The following DSCAM variants were observed in gnomAD, a reference collection of about 807,000 sequenced individuals.
DSCAM encodes DS cell adhesion molecule, also known as cell adhesion molecule DSCAM.
DSCAM carries 47 observed loss-of-function variants against 217.7 expected under a neutral mutation model. That is an observed-to-expected ratio of 0.22 (90% CI 0.17 to 0.28). The LOEUF (loss-of-function observed/expected upper bound fraction) is 0.28. DSCAM is among the 10% of genes least tolerant of loss of function. DSCAM has a pLI of 1.00. For synonymous variants in DSCAM, 1,056 were observed against 1,015.3 expected (o/e 1.04, Z -0.76); for missense variants, 2,080 against 2,618.3 (o/e 0.79, Z 4.49).
chr21:40,254,856 TC>T (rs2073350327), intron 11 of DSCAM, among the ~76,000 whole-genome samples: 1 of 152,028 alleles, frequency 6.6e-6, no homozygotes, highest in Non-Finnish European at 1.5e-5. Context: ...AAAATCAGCG[TC>T]CTCAGAGTGG....
chr21:40,516,756 G>A (rs1352355248), intron 3 of DSCAM, among the ~76,000 whole-genome samples: 2 of 152,000 alleles, frequency 1.3e-5, no homozygotes, highest in African/African-American at 4.8e-5. Context: ...ACTCTGCAGT[G>A]CCCCAGTGTG....
At chr21:40,829,975 C>A (rs1470336696) in intron 1 of DSCAM, among the ~76,000 whole-genome samples, 1 of 152,178 alleles carries the variant, frequency 6.6e-6, no homozygotes, top group Admixed American at 6.5e-5. Flanking sequence ...CTTAAGAAAG[C>A]CATGTTTGCT....
intron 3 of DSCAM, among the ~76,000 whole-genome samples, chr21:40,489,468 T>C (rs74349957): frequency 6.6e-6 from 1 of 152,234 alleles, no homozygotes; most frequent in East Asian, 1.9e-4. Context: ...TTCCTTAAAA[T>C]AAATATCTTC....
At chr21:40,127,487 A>G (rs974015905) in intron 19 of DSCAM, among the ~76,000 whole-genome samples, 6 of 152,320 alleles carry the variant, frequency 3.9e-5, no homozygotes, top group Non-Finnish European at 5.9e-5. Context: ...CATAGAGAGG[A>G]GTTCTGCATT....
intron 11 of DSCAM, among the ~76,000 whole-genome samples, chr21:40,263,066 G>A (rs2073475545): frequency 6.6e-6 from 1 of 152,124 alleles, no homozygotes; most frequent in Non-Finnish European, 1.5e-5. Flanking sequence ...TTTTTAAAAT[G>A]CCATACAAAA....
chr21:40,709,445 C>T (rs537573134), intron 1 of DSCAM, among the ~76,000 whole-genome samples: 1 of 152,316 alleles, frequency 6.6e-6, no homozygotes, highest in Non-Finnish European at 1.5e-5. Context: ...CACCCATCAA[C>T]CCGTCATCTA....
chr21:40,536,738 T>C (rs975055163), intron 3 of DSCAM, among the ~76,000 whole-genome samples: 1 of 152,162 alleles, frequency 6.6e-6, no homozygotes, highest in African/African-American at 2.4e-5. Flanking sequence ...AGGGTGAAGA[T>C]TTGGTCTTAT....
intron 1 of DSCAM, among the ~76,000 whole-genome samples, chr21:40,736,171 A>G (rs1012989079): frequency 2.6e-5 from 4 of 152,184 alleles, no homozygotes; most frequent in African/African-American, 9.7e-5. Flanking sequence ...AGGGCAAGGT[A>G]TGGGGAAAGG....
intron 3 of DSCAM, among the ~76,000 whole-genome samples, chr21:40,497,467 G>A (rs1309570996): frequency 1.3e-5 from 2 of 150,616 alleles, no homozygotes; most frequent in Non-Finnish European, 3.0e-5. Context: ...AGGGGTGGGG[G>A]CAGGGGTGGG....
At chr21:40,562,342 G>T (rs2146187382) in intron 3 of DSCAM, among the ~76,000 whole-genome samples, 1 of 152,266 alleles carries the variant, frequency 6.6e-6, no homozygotes, top group Non-Finnish European at 1.5e-5. Flanking sequence ...CATGTAAGAT[G>T]TGCCTGCCTC....
intron 3 of DSCAM, among the ~76,000 whole-genome samples, chr21:40,446,516 T>A (rs993484675): frequency 6.6e-6 from 1 of 152,060 alleles, no homozygotes; most frequent in African/African-American, 2.4e-5. Context: ...GGGCCCCCTC[T>A]GCAAAAAAGT....
chr21:40,714,137 G>A (rs2090814071), intron 1 of DSCAM, among the ~76,000 whole-genome samples: 1 of 152,194 alleles, frequency 6.6e-6, no homozygotes, highest in African/African-American at 2.4e-5. Flanking sequence ...GCGGCCCTGG[G>A]CAGAGACTTG....
intron 3 of DSCAM, among the ~76,000 whole-genome samples, chr21:40,640,148 A>AATCAAGAGAAGTGGCAGAGAGGAAT (rs2089859931): frequency 6.6e-6 from 1 of 151,248 alleles, no homozygotes; most frequent in Non-Finnish European, 1.5e-5. Context: ...CAGAGAGGAA[A>AATCAAGAGAAGTGGCAGAGAGGAAT]ATCAAGAGAA....
At chr21:40,605,833 C>T (rs2089229968) in intron 3 of DSCAM, among the ~76,000 whole-genome samples, 1 of 107,796 alleles carries the variant, frequency 9.3e-6, no homozygotes, top group Admixed American at 1.3e-4. Context: ...GACAGTCTCA[C>T]TGTATTGCCC....
intron 11 of DSCAM, among the ~76,000 whole-genome samples, chr21:40,270,289 G>A (rs1386353684): frequency 3.3e-5 from 5 of 152,192 alleles, no homozygotes; most frequent in Non-Finnish European, 5.9e-5. Flanking sequence ...TCAAAGTGCT[G>A]GCACAGCTGC....
intron 3 of DSCAM, among the ~76,000 whole-genome samples, chr21:40,425,825 A>G (rs1217096847): frequency 6.6e-6 from 1 of 152,160 alleles, no homozygotes; most frequent in African/African-American, 2.4e-5. Flanking sequence ...ACACACACAC[A>G]TGCATGTGTA....
chr21:40,714,134 T>A (rs1313895658), intron 1 of DSCAM, among the ~76,000 whole-genome samples: 1 of 152,196 alleles, frequency 6.6e-6, no homozygotes, highest in African/African-American at 2.4e-5. Context: ...CCTGCGGCCC[T>A]GGGCAGAGAC....
At chr21:40,387,341 C>T (rs1335958713) in intron 3 of DSCAM, among the ~76,000 whole-genome samples, 2 of 151,308 alleles carry the variant, frequency 1.3e-5, no homozygotes, top group East Asian at 3.9e-4. Flanking sequence ...CAGAAAAGTA[C>T]AACTTCACTA....
At chr21:40,046,296 A>G (rs1166512282) in intron 30 of DSCAM, among the ~76,000 whole-genome samples, 2 of 152,196 alleles carry the variant, frequency 1.3e-5, no homozygotes, top group Non-Finnish European at 1.5e-5. Flanking sequence ...GATGGCAGCC[A>G]AAGAGATAGA....
Sources: gnomAD v4.1 joint callset for allele counts (sites outside exome capture counted in the v4.1 genomes callset) on GRCh38, gnomAD v4.1.1 for gene constraint, MANE v1.5 for transcripts, NCBI Gene and HGNC (gene_info 2026-07-23, HGNC 2026-07-21) for gene names.